The following PSMA2 variants were observed in gnomAD, a reference collection of about 807,000 sequenced individuals.
PSMA2 encodes the protein proteasome subunit alpha type-2.
PSMA2 carries 2 observed loss-of-function variants against 35.9 expected under a neutral mutation model. That is an observed-to-expected ratio of 0.06 (90% CI 0.02 to 0.18). The LOEUF (loss-of-function observed/expected upper bound fraction) is 0.18. Ranked by LOEUF, PSMA2 falls within the 10% of genes least tolerant of loss-of-function variation. PSMA2 has a pLI of 1.00. For synonymous variants in PSMA2, 97 were observed against 98.2 expected, an observed-to-expected ratio of 0.99 and a Z score of 0.07; for missense variants, 126 against 278.8, an observed-to-expected ratio of 0.45 and a Z score of 3.90.
At chr7:42,925,587 T>C (rs561112576) in intron 3 of PSMA2, among the ~76,000 whole-genome samples, 1 of 152,346 alleles carries the variant, frequency 6.6e-6, no homozygotes, top group Non-Finnish European at 1.5e-5. Context: ...CCCTGTCTCT[T>C]AAAATTTTTT....
chr7:42,919,694 T>C (rs755377657), intron 6 of PSMA2: 25 of 559,258 alleles, frequency 4.5e-5, no homozygotes, highest in Non-Finnish European at 8.4e-5. Context: ...TTGGAACCAA[T>C]TAAATCCTTT....
rs368855569 is a variant in PSMA2, at chr7:42,926,519, T to C, written c.251+17A>G. ...ATTCATGAGATGGTGAGAAACACTA[T>C]AAAAAGTATAAAGTACCTGTAATCG... is the stretch of plus-strand genomic sequence containing the variant. On this transcript the variant is annotated intron_variant, in intron 3 of 7. Transcript: ENST00000223321. 2.2e-5 allele frequency: 34 copies of C among 1,560,070 alleles called. No homozygotes were observed. Among genetic ancestry groups the C allele is most frequent in the Non-Finnish European group, 2.6e-5 (30 of 1,161,414 alleles).
At chr7:42,930,596 T>G (rs1258784209) in intron 1 of PSMA2, among the ~76,000 whole-genome samples, 1 of 152,042 alleles carries the variant, frequency 6.6e-6, no homozygotes, top group Non-Finnish European at 1.5e-5. Flanking sequence ...AAAGATTCAG[T>G]CCCTGAAGGT....
chr7:42,919,149 T>C lies in PSMA2; in HGVS notation c.531-1314A>G, dbSNP rs1442858286. 4 of 522,122 alleles carry C rather than the reference T, an allele frequency of 7.7e-6. No individual in the cohort carries two copies. In the East Asian group the frequency reaches 1.7e-4, roughly 23 times the overall value. 32.3% of individuals were successfully genotyped at this position (522,122 alleles called of 1,614,324 possible). A position where few individuals can be genotyped will look rare whatever the true frequency, so the allele number is the denominator to read the frequency against. ...AGTCTTATGAGTATTTCTAAATCAGTGCTTGCAAAGACGGCAAACCTATGC... is the reference window on the plus strand; with the variant it reads ...AGTCTTATGAGTATTTCTAAATCAGCGCTTGCAAAGACGGCAAACCTATGC... On this transcript the variant is annotated intron_variant, in intron 6 of 7. Transcript: ENST00000223321.
rs374705830 is a variant in PSMA2 at position 42,931,057 on chromosome 7, G to GA, written c.41+1060dup. 7.0e-4 allele frequency: 240 copies of GA among 341,900 alleles called. 1 individual carries two copies. Among genetic ancestry groups the GA allele is most frequent in the Middle Eastern group, 4.3e-3 (11 of 2,560 alleles). The allele number at this position is 341,900 out of a possible 1,614,324, so 21.2% of individuals were successfully genotyped here. Reference sequence around the variant, plus strand: ...AATGGAAAGTGTATTTTTGTTATCAGAAAAAAAACCCAGTTTGAATGTCAA... The same window carrying GA: ...AATGGAAAGTGTATTTTTGTTATCAGAAAAAAAAACCCAGTTTGAATGTCAA... On this transcript the variant is annotated intron_variant, in intron 1 of 7. Coordinates refer to ENST00000223321, the MANE Select transcript of PSMA2 (RefSeq NM_002787.5).
Position 42,917,808 on chromosome 7 carries a change from A to G in PSMA2, c.558T>C (p.Asp186=). The G allele has an allele frequency of 6.2e-7, 1 of 1,609,086 alleles. No homozygotes were observed. Among genetic ancestry groups the G allele is most frequent in the Admixed American group, 1.7e-5 (1 of 59,892 alleles). ...KRYNEDLELE[D]AIHTAILTLK... ...GGGTTAAGATGGCTGTATGAATGGC[A>G]TCTTCAAGTTCCAGATCTTCATTAT... Residue 186 remains aspartate, a synonymous_variant, in exon 7 of 8, where the codon GAT becomes GAC. Transcript: ENST00000223321.
intron 5 of PSMA2, 26 bp from the exon 6 acceptor site, chr7:42,921,957 A>T: frequency 6.3e-7 from 1 of 1,576,430 alleles, no homozygotes; most frequent in Non-Finnish European, 8.7e-7. Flanking sequence ...AGAGTAAAAA[A>T]CCATATTTTA....
chr7:42,929,927 A>G (rs1206645437), intron 1 of PSMA2, among the ~76,000 whole-genome samples: 3 of 152,176 alleles, frequency 2.0e-5, no homozygotes, highest in Non-Finnish European at 4.4e-5. Flanking sequence ...TTCCAGTCTC[A>G]AAAATCACCC....
intron 1 of PSMA2, among the ~76,000 whole-genome samples, chr7:42,930,846 T>C (rs548940402): frequency 2.0e-5 from 3 of 152,188 alleles, no homozygotes; most frequent in Admixed American, 1.3e-4. Context: ...ATTTGTTTTC[T>C]TCATAAATAG....
chr7:42,930,206 AACACAC>A (rs58987065), intron 1 of PSMA2, among the ~76,000 whole-genome samples: 34 of 149,322 alleles, frequency 2.3e-4, no homozygotes, highest in African/African-American at 5.2e-4. Flanking sequence ...ACCATGTTAA[AACACAC>A]ACACACACAC....
Position 42,924,767 on chromosome 7 carries a change from A to G in PSMA2, c.282T>C (p.Ala94=). ...CTTGGTACACAAGATAGTATTGTTG[A>G]GCTAGTTTTCGAGCTCTGTGCACAA... ...RVLVHRARKL[A]QQYYLVYQEP... is the part of the protein sequence containing the mutation. Residue 94 remains alanine, a synonymous_variant, in exon 4 of 8, where the codon GCT becomes GCC. Coordinates refer to ENST00000223321, the MANE Select transcript of PSMA2 (RefSeq NM_002787.5). 1.2e-6 allele frequency: 2 copies of G among 1,612,656 alleles called. No homozygotes were observed. The highest frequency in any genetic ancestry group is 1.1e-5 in the South Asian group (1 of 90,946).
intron 3 of PSMA2, 26 bp downstream of exon 3, chr7:42,926,510 G>A: frequency 6.5e-7 from 1 of 1,543,878 alleles, no homozygotes; most frequent in African/African-American, 1.4e-5. Context: ...GAGATGGTGA[G>A]AAACACTATA....
At chr7:42,930,556 G>GT (rs1786287098) in intron 1 of PSMA2, among the ~76,000 whole-genome samples, 1 of 151,846 alleles carries the variant, frequency 6.6e-6, no homozygotes. Context: ...CTGGCCAAAA[G>GT]TTTATTTTAA....
At chr7:42,923,710 A>G (rs555348198) in intron 4 of PSMA2, among the ~76,000 whole-genome samples, 1 of 152,376 alleles carries the variant, frequency 6.6e-6, no homozygotes, top group South Asian at 2.1e-4. Flanking sequence ...CAATTAATGC[A>G]GCTTTTCCAC....
At chr7:42,930,669 A>G (rs1477674021) in intron 1 of PSMA2, among the ~76,000 whole-genome samples, 2 of 151,948 alleles carry the variant, frequency 1.3e-5, no homozygotes, top group Non-Finnish European at 2.9e-5. Context: ...AAAAGACCAC[A>G]TTTGCAGCCT....
Position 42,917,325 on chromosome 7 carries a change from C to T in PSMA2, c.*249G>A. On this transcript the variant is annotated 3_prime_UTR_variant, in exon 8 of 8. Coordinates refer to ENST00000223321, the MANE Select transcript of PSMA2 (RefSeq NM_002787.5). Reference sequence around the variant, plus strand: ...ACGAAAAAGTCATTTCATCATTCTGCTTGGCAATGTAGTCTTCAGAAATCA... The same window carrying T: ...ACGAAAAAGTCATTTCATCATTCTGTTTGGCAATGTAGTCTTCAGAAATCA... 2 of 323,774 alleles carry T rather than the reference C, an allele frequency of 6.2e-6. No homozygotes were observed. Among genetic ancestry groups the T allele is most frequent in the South Asian group, 1.2e-4 (2 of 16,944 alleles). The allele number at this position is 323,774 out of a possible 1,614,324, so 20.1% of individuals were successfully genotyped here.
chr7:42,924,548 A>G, intron 4 of PSMA2, 127 bp downstream of exon 4: 1 of 952,832 alleles, frequency 1.0e-6, no homozygotes, highest in Non-Finnish European at 1.5e-6. Flanking sequence ...AATATTCATC[A>G]TAGTGATTCT....
chr7:42,920,461 C>T (rs1733275155), intron 6 of PSMA2: 1 of 152,392 alleles, frequency 6.6e-6, no homozygotes, highest in South Asian at 2.1e-4. Flanking sequence ...AGCAGAATGT[C>T]TTTGTTGCTA....
Position 42,917,812 on chromosome 7 carries a change from T to C in PSMA2, c.554A>G (p.Glu185Gly). 1 of 1,608,674 alleles carries C rather than the reference T, an allele frequency of 6.2e-7. No homozygotes were observed. The highest frequency in any genetic ancestry group is 8.5e-7 in the Non-Finnish European group (1 of 1,176,540). Residue 185 changes from glutamate (E) to glycine (G), a missense_variant, in exon 7 of 8, where the codon GAA (glutamate) becomes GGA (glycine). Coordinates refer to ENST00000223321, the MANE Select transcript of PSMA2 (RefSeq NM_002787.5). ...EKRYNEDLELEDAIHTAILTL... is the reference protein window; with the variant it reads ...EKRYNEDLELGDAIHTAILTL... ...TAAGATGGCTGTATGAATGGCATCT[T>C]CAAGTTCCAGATCTTCATTATATCT...
Sources: allele counts gnomAD v4.1 joint callset (sites outside exome capture counted in the v4.1 genomes callset), GRCh38; gene constraint gnomAD v4.1.1; transcripts MANE v1.5; gene names NCBI Gene and HGNC (gene_info 2026-07-23, HGNC 2026-07-21).